TARS3: variants seen among roughly 807,000 people sequenced by gnomAD.
TARS3 encodes the protein threonine--tRNA ligase 2, cytoplasmic.
A neutral mutation model predicts 103.5 loss-of-function variants in TARS3; 94 were observed. The ratio of observed to expected loss-of-function variants is 0.91; its 90% CI spans 0.77 to 1.08. TARS3 has a LOEUF of 1.08. Ranked by LOEUF, TARS3 falls within the 50% of genes least tolerant of loss-of-function variation. TARS3 has a pLI of 0.00. For missense variants in TARS3, 952 were observed against 995.2 expected (o/e 0.96, Z 0.58); for synonymous variants, 416 against 355.4 (o/e 1.17, Z -1.92).
chr15:101,686,135 G>C, intron 10 of TARS3, 73 bp from the exon 11 acceptor site: 1 of 1,344,700 alleles, frequency 7.4e-7, no homozygotes, highest in Non-Finnish European at 1.0e-6. Flanking sequence ...AACACTATGA[G>C]CAAATATTTT....
chr15:101,697,888 T>G (rs1899057498), intron 10 of TARS3, among the ~76,000 whole-genome samples: 1 of 152,224 alleles, frequency 6.6e-6, no homozygotes, highest in Non-Finnish European at 1.5e-5. Context: ...GATGTGGATG[T>G]GGCTTTTATC....
chr15:101,689,470 A>G (rs536867040), intron 10 of TARS3, among the ~76,000 whole-genome samples: 1 of 152,200 alleles, frequency 6.6e-6, no homozygotes, highest in Admixed American at 6.5e-5. Flanking sequence ...AATTAAAATG[A>G]GATCATTAGG....
rs998956585 is a variant in TARS3, at chr15:101,711,600, G to A, written c.812+280C>T. ...ATTTTCTTAACATCTCTTTTCTCTAGCTTATTTCAAGAATACAGTATATGA... is the reference window on the plus strand; with the variant it reads ...ATTTTCTTAACATCTCTTTTCTCTAACTTATTTCAAGAATACAGTATATGA... On this transcript the variant is annotated intron_variant, in intron 5 of 18. Transcript: ENST00000335968. Among the ~76,000 whole-genome samples, 3 of 152,068 alleles carry A rather than the reference G, an allele frequency of 2.0e-5. No individual in the cohort carries two copies. The East Asian group carries it at 5.8e-4, about 29-fold the overall frequency.
chr15:101,671,557 G>A lies in TARS3; in HGVS notation c.1896C>T (p.Gly632=). Residue 632 remains glycine, a synonymous_variant, in exon 15 of 19, where the codon GGC becomes GGT. Transcript: ENST00000335968. ...GAATTGTAGCACATTGATGGTATCT[G>A]CCAATAGCATCCTTGATTTTTATGT... The part of the protein sequence containing the change: ...KIDIKIKDAI[G]RYHQCATIQL... 6.2e-7 allele frequency: 1 copy of A among 1,611,472 alleles called. No homozygotes were observed. Among genetic ancestry groups the A allele is most frequent in the Non-Finnish European group, 8.5e-7 (1 of 1,177,718 alleles).
intron 4 of TARS3, among the ~76,000 whole-genome samples, chr15:101,712,394 T>G (rs1899912359): frequency 6.6e-6 from 1 of 152,148 alleles, no homozygotes; most frequent in Non-Finnish European, 1.5e-5. Flanking sequence ...CTAGCTGTCT[T>G]CTTTTTCTCC....
At chr15:101,665,473 T>C (rs1023915239) in intron 15 of TARS3, among the ~76,000 whole-genome samples, 1 of 152,218 alleles carries the variant, frequency 6.6e-6, no homozygotes, top group Non-Finnish European at 1.5e-5. Flanking sequence ...CTACAGAAAC[T>C]GCTACCATTT....
intron 5 of TARS3, among the ~76,000 whole-genome samples, chr15:101,709,672 G>T (rs1899758352): frequency 6.6e-6 from 1 of 152,170 alleles, no homozygotes. Context: ...TTGTGCATTT[G>T]CTGTCTTCCC....
At position 101,654,328 on chromosome 15, in the gene TARS3, A is replaced by G. The variant is rs374225567; in HGVS notation, c.*254T>C. ...TTTTGTTTCACTTTCTCGATGAATA[A>G]TATTTCCCCATTTAAGTTTCTCAAG... On this transcript the variant is annotated 3_prime_UTR_variant, in exon 19 of 19. Transcript: ENST00000335968. 7.1e-5 allele frequency: 27 copies of G among 382,392 alleles called. 1 individual carries two copies. The East Asian group carries it at 7.7e-4, about 11-fold the overall frequency. The allele number at this position is 382,392 out of a possible 1,614,324, so 23.7% of individuals were successfully genotyped here. A position where few individuals can be genotyped will look rare whatever the true frequency, so the allele number is the denominator to read the frequency against.
chr15:101,654,690 C>G lies in TARS3; in HGVS notation c.2301G>C (p.Val767=). The change falls in exon 19 of 19, where the codon GTG becomes GTC. Residue 767 remains valine (V), a synonymous_variant. Coordinates refer to ENST00000335968, the MANE Select transcript of TARS3 (RefSeq NM_152334.3). The stretch of plus-strand genomic sequence containing the variant: ...CATGAATTTTGTTGTCTCTTGTTCG[C>G]ACGTTTACAGCATTATCTATCTTTT... The part of the protein sequence containing the change: ...EKEKIDNAVN[V]RTRDNKIHGE... The G allele has an allele frequency of 6.2e-7, 1 of 1,614,014 alleles. No homozygotes were observed. Among genetic ancestry groups the G allele is most frequent in the East Asian group, 2.2e-5 (1 of 44,878 alleles).
At chr15:101,722,925 T>C (rs557240430) in intron 2 of TARS3, among the ~76,000 whole-genome samples, 168 bp downstream of exon 2, 7 of 152,270 alleles carry the variant, frequency 4.6e-5, no homozygotes, top group African/African-American at 1.7e-4. Context: ...GGGCAGCTCA[T>C]TTCTCAAGAC....
intron 1 of TARS3, 145 bp downstream of exon 1, chr15:101,723,943 CAGG>C (rs1346851317): frequency 3.1e-6 from 1 of 323,456 alleles, no homozygotes; most frequent in Non-Finnish European, 4.0e-6. Context: ...GACCACCGAG[CAGG>C]GCAGGGCGGG....
chr15:101,699,176 G>A (rs1428767055), intron 10 of TARS3, among the ~76,000 whole-genome samples: 2 of 151,886 alleles, frequency 1.3e-5, no homozygotes, highest in Non-Finnish European at 2.9e-5. Flanking sequence ...AAAACCAACA[G>A]AAAAAACAGC....
Position 101,671,514 on chromosome 15 carries a change from G to C in TARS3, c.1939C>G (p.Pro647Ala). 1 of 1,609,432 alleles carries C rather than the reference G, an allele frequency of 6.2e-7. No homozygotes were observed. The highest frequency in any genetic ancestry group is 2.2e-5 in the East Asian group (1 of 44,746). Residue 647 changes from proline (P) to alanine (A), a missense_variant, in exon 15 of 19, where the codon CCT (proline) becomes GCT (alanine). Coordinates refer to ENST00000335968, the MANE Select transcript of TARS3 (RefSeq NM_152334.3). ...CATIQLDFQL[P>A]IRFNLTYVSK... is the part of the protein sequence containing the mutation. ...ACATATGTGAGATTAAATCTAATAG[G>C]CAGTTGGAAGTCCAGCTGAATTGTA...
intron 10 of TARS3, among the ~76,000 whole-genome samples, chr15:101,691,232 C>T (rs550623176): frequency 6.6e-6 from 1 of 151,922 alleles, no homozygotes; most frequent in African/African-American, 2.4e-5. Flanking sequence ...AGCCACTGCG[C>T]CCGGCCAATG....
chr15:101,691,838 A>T, intron 10 of TARS3, among the ~76,000 whole-genome samples: 2 of 133,462 alleles, frequency 1.5e-5, no homozygotes, highest in Admixed American at 8.0e-5. Flanking sequence ...CTTCCCCCCA[A>T]CCCCTGACCA....
At chr15:101,661,078 C>T (rs1404588285) in intron 16 of TARS3, among the ~76,000 whole-genome samples, 1 of 50,952 alleles carries the variant, frequency 2.0e-5, no homozygotes, top group Non-Finnish European at 4.9e-5. Flanking sequence ...GGCCATTCTT[C>T]CTTCCGGGCA....
intron 3 of TARS3, among the ~76,000 whole-genome samples, chr15:101,718,227 G>A (rs1410188329): frequency 2.0e-5 from 3 of 152,130 alleles, no homozygotes. Flanking sequence ...AATTAGCTGG[G>A]TGTGGTGGCG....
At chr15:101,715,149 G>GT (rs199577249) in intron 3 of TARS3, among the ~76,000 whole-genome samples, 186 bp from the exon 4 acceptor site, 2,983 of 139,760 alleles carry the variant, frequency 0.021, 57 homozygotes, top group East Asian at 0.054. Context: ...TACATTCACT[G>GT]TTTTTTTTTT....
intron 15 of TARS3, among the ~76,000 whole-genome samples, chr15:101,667,091 A>C (rs1180268326): frequency 6.6e-6 from 1 of 152,266 alleles, no homozygotes; most frequent in Admixed American, 6.5e-5. Context: ...GACCAGGTGC[A>C]TTGTCAATGA....
Sources: allele counts gnomAD v4.1 joint callset (sites outside exome capture counted in the v4.1 genomes callset), GRCh38; gene constraint gnomAD v4.1.1; transcripts MANE v1.5; gene names NCBI Gene and HGNC (gene_info 2026-07-23, HGNC 2026-07-21).